The following CSMD1 variants were observed in gnomAD, a reference collection of about 807,000 sequenced individuals.
CSMD1 encodes the protein CUB and Sushi multiple domains 1, also known as CUB and sushi domain-containing protein 1.
CSMD1 carries 213 observed loss-of-function variants against 417.5 expected under a neutral mutation model. The ratio of observed to expected loss-of-function variants is 0.51; its 90% confidence interval spans 0.46 to 0.57. CSMD1 has a LOEUF of 0.57. Among genes scored for constraint, CSMD1 ranks in the 20% least tolerant of loss-of-function variants. The pLI is 0.00. For synonymous variants in CSMD1, 2,862 were observed against 1,736.8 expected (o/e 1.65, Z -16.11); for missense variants, 6,923 against 4,529.7 (o/e 1.53, Z -15.17).
chr8:3,928,417 G>C (rs1257561728), intron 5 of CSMD1, among the ~76,000 whole-genome samples: 1 of 152,162 alleles, frequency 6.6e-6, no homozygotes, highest in Non-Finnish European at 1.5e-5. Flanking sequence ...CACAAGCAAT[G>C]AGTCCTAACT....
chr8:4,379,125 A>G (rs972363887), intron 3 of CSMD1, among the ~76,000 whole-genome samples: 16 of 152,234 alleles, frequency 1.1e-4, no homozygotes, highest in African/African-American at 3.9e-4. Flanking sequence ...CATAAGTGAA[A>G]TAACAGATAT....
intron 12 of CSMD1, 148 bp downstream of exon 12, chr8:3,468,564 G>A (rs1023627847): frequency 1.2e-5 from 7 of 576,130 alleles, no homozygotes; most frequent in African/African-American, 1.1e-4. Flanking sequence ...GCGAGTGTTA[G>A]TAGACTTTAA....
intron 26 of CSMD1, among the ~76,000 whole-genome samples, chr8:3,233,301 T>C (rs551495819): frequency 6.9e-4 from 105 of 152,318 alleles, no homozygotes; most frequent in South Asian, 1.2e-3. Context: ...TTGGTGACTT[T>C]ATAGGAAGAG....
chr8:2,984,732 G>A (rs1161445172), intron 54 of CSMD1, among the ~76,000 whole-genome samples: 1 of 152,196 alleles, frequency 6.6e-6, no homozygotes, highest in Admixed American at 6.5e-5. Flanking sequence ...TGGTAATTTT[G>A]GGTCTAGGAA....
At chr8:3,487,842 A>G (rs1338802360) in intron 11 of CSMD1, among the ~76,000 whole-genome samples, 1 of 152,142 alleles carries the variant, frequency 6.6e-6, no homozygotes, top group Non-Finnish European at 1.5e-5. Context: ...TCCTCAAGGC[A>G]TTGCTGAAAC....
intron 12 of CSMD1, among the ~76,000 whole-genome samples, chr8:3,461,198 G>C (rs1396462562): frequency 6.6e-6 from 1 of 152,202 alleles, no homozygotes; most frequent in Non-Finnish European, 1.5e-5. Flanking sequence ...CTCAAACAAA[G>C]GCCTTAATTT....
At chr8:4,665,443 G>C (rs957927564) in intron 1 of CSMD1, among the ~76,000 whole-genome samples, 1 of 152,178 alleles carries the variant, frequency 6.6e-6, no homozygotes, top group Non-Finnish European at 1.5e-5. Context: ...AACCATGAGA[G>C]ATTCAAACTC....
chr8:3,964,104 CCTG>C (rs1253846221), intron 5 of CSMD1, among the ~76,000 whole-genome samples: 3 of 152,090 alleles, frequency 2.0e-5, no homozygotes, highest in Non-Finnish European at 4.4e-5. Flanking sequence ...GTAAAAAGAA[CCTG>C]CTTTCAGAAA....
At chr8:4,955,774 T>A (rs1019963673) in intron 1 of CSMD1, among the ~76,000 whole-genome samples, 24 of 46,708 alleles carry the variant, frequency 5.1e-4, no homozygotes, top group African/African-American at 1.3e-3. Flanking sequence ...CCAAACTGCA[T>A]GTTAGGTGGT....
chr8:3,789,726 ATTTTT>A (rs55917452), intron 5 of CSMD1, among the ~76,000 whole-genome samples: 1,437 of 101,146 alleles, frequency 0.014, 22 homozygotes, highest in African/African-American at 0.052. Flanking sequence ...ATCATGGTTA[ATTTTT>A]TTTTTTTTTT....
At chr8:3,141,424 T>G (rs766204236) in intron 41 of CSMD1, among the ~76,000 whole-genome samples, 23 of 152,198 alleles carry the variant, frequency 1.5e-4, no homozygotes, top group African/African-American at 5.1e-4. Flanking sequence ...AAATTGATCA[T>G]GGCCCTTTCC....
chr8:4,630,101 C>A (rs551661068), intron 2 of CSMD1, among the ~76,000 whole-genome samples: 1 of 152,192 alleles, frequency 6.6e-6, no homozygotes, highest in East Asian at 1.9e-4. Flanking sequence ...AACACACCAC[C>A]ACAGCATGAG....
In CSMD1 at chr8:3,562,201, A is replaced by C. The variant is rs186308741; in HGVS notation, c.1344+12744T>G. Among the ~76,000 whole-genome samples, 109 of 152,342 alleles carry C rather than the reference A, an allele frequency of 7.2e-4. 1 individual carries two copies. The highest frequency in any genetic ancestry group is 8.8e-5 in the Non-Finnish European group (6 of 68,030). On this transcript the variant is annotated intron_variant, in intron 10 of 69. Transcript: ENST00000635120. The stretch of plus-strand genomic sequence containing the variant: ...GGGGAAAGATGGAAAGTGAATGTTA[A>C]AATAATGATGTAGAATAGAGATTTG...
chr8:3,995,014 C>G (rs1815092122), intron 5 of CSMD1, among the ~76,000 whole-genome samples: 1 of 152,106 alleles, frequency 6.6e-6, no homozygotes, highest in African/African-American at 2.4e-5. Context: ...GTCGCAGCAC[C>G]CACAATGCTC....
intron 23 of CSMD1, among the ~76,000 whole-genome samples, chr8:3,308,985 A>C (rs1014963712): frequency 3.3e-5 from 5 of 152,056 alleles, no homozygotes; most frequent in Admixed American, 2.6e-4. Context: ...CAGCCTCCCA[A>C]AGTGCTGGGA....
At chr8:3,496,484 G>A (rs556728987) in intron 10 of CSMD1, among the ~76,000 whole-genome samples, 1 of 152,118 alleles carries the variant, frequency 6.6e-6, no homozygotes, top group African/African-American at 2.4e-5. Flanking sequence ...CTACTTTTTT[G>A]ATATAGGTGT....
intron 1 of CSMD1, among the ~76,000 whole-genome samples, chr8:4,769,107 G>T (rs146586897): frequency 1.6e-3 from 239 of 152,272 alleles, no homozygotes; most frequent in Non-Finnish European, 2.7e-3. Flanking sequence ...GACAGATCTG[G>T]TTCAAAATCT....
At chr8:3,483,481 A>G (rs1353277710) in intron 11 of CSMD1, among the ~76,000 whole-genome samples, 1 of 152,122 alleles carries the variant, frequency 6.6e-6, no homozygotes, top group Non-Finnish European at 1.5e-5. Flanking sequence ...AATTAATGGT[A>G]TAACATGTTC....
rs775300043 is a variant in CSMD1 at position 3,107,720 on chromosome 8, A to G, written c.6833T>C (p.Ile2278Thr). The G allele has an allele frequency of 1.3e-6, 2 of 1,567,548 alleles. No homozygotes were observed. Among genetic ancestry groups the G allele is most frequent in the Non-Finnish European group, 1.7e-6 (2 of 1,147,476 alleles). Residue 2278 changes from isoleucine (I) to threonine (T), a missense_variant and splice_region_variant, in exon 45 of 70, where the codon ATA becomes ACA. Ile to Thr is a moderately conservative substitution (Grantham distance 89, BLOSUM62 -1). Transcript: ENST00000635120. ...TATTGTAATGAAGAAAGTATTACCT[A>G]TTTCGAAATCATCATCCTCAGTAAG... ...EMLTEDDDFE[I>T]GDFVKYQCHP...
Sources: gnomAD v4.1 joint callset for allele counts (sites outside exome capture counted in the v4.1 genomes callset) on GRCh38, gnomAD v4.1.1 for gene constraint, MANE v1.5 for transcripts, NCBI Gene and HGNC (gene_info 2026-07-23, HGNC 2026-07-21) for gene names.